Variants in NR6A1 observed in about 807,000 individuals in gnomAD.
The protein encoded by NR6A1 is retinoic acid receptor-related testis-associated receptor.
Under a neutral mutation model 59.1 loss-of-function variants are expected in NR6A1, and 7 were observed. The ratio of observed to expected loss-of-function variants is 0.12; its 90% confidence interval spans 0.07 to 0.22. The LOEUF is 0.22. Ranked by LOEUF, NR6A1 falls within the 10% of genes least tolerant of loss-of-function variation. The pLI, the probability that NR6A1 is intolerant of heterozygous loss-of-function variation, is 1.00. For synonymous variants in NR6A1, 243 were observed against 236.1 expected (o/e 1.03, Z -0.27); for missense variants, 468 against 611.6 (o/e 0.77, Z 2.48).
intron 2 of NR6A1, among the ~76,000 whole-genome samples, chr9:124,582,975 C>A (rs1167884760): frequency 6.6e-6 from 1 of 152,122 alleles, no homozygotes; most frequent in Non-Finnish European, 1.5e-5. Flanking sequence ...CCTTCCCCCC[C>A]AAAGCACTCA....
At chr9:124,562,878 A>C (rs1834120865) in intron 2 of NR6A1, among the ~76,000 whole-genome samples, 1 of 152,252 alleles carries the variant, frequency 6.6e-6, no homozygotes, top group Non-Finnish European at 1.5e-5. Flanking sequence ...TGTCTGCTGA[A>C]ATAAATGGAT....
At chr9:124,531,560 G>C (rs1833098685) in intron 7 of NR6A1, among the ~76,000 whole-genome samples, 1 of 152,094 alleles carries the variant, frequency 6.6e-6, no homozygotes, top group Non-Finnish European at 1.5e-5. Flanking sequence ...CCACAGCCTG[G>C]GTTTCTAGCA....
intron 2 of NR6A1, among the ~76,000 whole-genome samples, chr9:124,640,823 A>G (rs1284589923): frequency 1.3e-5 from 2 of 152,140 alleles, no homozygotes; most frequent in Non-Finnish European, 2.9e-5. Context: ...CACACAGAGT[A>G]TTTTAAATAA....
At chr9:124,639,027 C>T (rs1191353930) in intron 2 of NR6A1, among the ~76,000 whole-genome samples, 1 of 152,076 alleles carries the variant, frequency 6.6e-6, no homozygotes. Flanking sequence ...GAAGAGTAGC[C>T]ATAATAGTTA....
chr9:124,536,152 G>C lies in NR6A1; in HGVS notation c.825-20C>G, dbSNP rs114419980. ...GCGTATCTGAGGGGCAGGGACAGGG[G>C]AAAGTCACTTCCATTGGTCAGAGGG... On this transcript the variant is annotated intron_variant, in intron 6 of 9. Coordinates refer to ENST00000487099, the MANE Select transcript of NR6A1 (RefSeq NM_033334.4). 430 of 1,605,528 alleles carry C rather than the reference G, an allele frequency of 2.7e-4. 1 individual carries two copies. In the African/African-American group the frequency reaches 5.3e-3, roughly 20 times the overall value.
chr9:124,752,010 C>T (rs1408453794), intron 1 of NR6A1, among the ~76,000 whole-genome samples: 1 of 152,212 alleles, frequency 6.6e-6, no homozygotes, highest in Non-Finnish European at 1.5e-5. Flanking sequence ...ATGGCTCACG[C>T]CTATAATCCC....
rs1281501843 is a variant in NR6A1, at chr9:124,538,168, A to C, written c.748T>G (p.Ser250Ala). ...PQQARSLDPQ[S>A]YSLIHQLLSA... ...AACAGCTGGTGAATCAGACTGTATG[A>C]CTGGGGATCCAGGCTGCGAGCTTGT... Residue 250 changes from serine to alanine, a missense_variant, in exon 6 of 10, where the codon TCA becomes GCA. Coordinates refer to ENST00000487099, the MANE Select transcript of NR6A1 (RefSeq NM_033334.4). 4 of 1,614,196 alleles carry C rather than the reference A, an allele frequency of 2.5e-6. No individual in the cohort carries two copies. Among genetic ancestry groups the C allele is most frequent in the Non-Finnish European group, 3.4e-6 (4 of 1,180,016 alleles).
chr9:124,679,342 G>T (rs747661581), intron 2 of NR6A1, among the ~76,000 whole-genome samples: 2 of 152,116 alleles, frequency 1.3e-5, no homozygotes, highest in African/African-American at 2.4e-5. Context: ...GATTTGTTAA[G>T]CTGTAAACTG....
intron 1 of NR6A1, among the ~76,000 whole-genome samples, chr9:124,759,093 T>C (rs1338536481): frequency 6.6e-6 from 1 of 152,246 alleles, no homozygotes; most frequent in East Asian, 1.9e-4. Context: ...ACTACTTTGC[T>C]AACATAATCT....
intron 7 of NR6A1, among the ~76,000 whole-genome samples, chr9:124,528,385 T>TA (rs1833002466): frequency 6.6e-6 from 1 of 151,934 alleles, no homozygotes; most frequent in Admixed American, 6.6e-5. Context: ...AATACAACAA[T>TA]AAAAAAAGAC....
intron 8 of NR6A1, among the ~76,000 whole-genome samples, chr9:124,525,645 C>A (rs972584712): frequency 1.3e-5 from 2 of 152,116 alleles, no homozygotes; most frequent in South Asian, 2.1e-4. Flanking sequence ...GCATGAGCCA[C>A]TGTGCCTGGC....
intron 2 of NR6A1, among the ~76,000 whole-genome samples, chr9:124,714,615 A>T (rs1168166577): frequency 6.6e-6 from 1 of 152,230 alleles, no homozygotes; most frequent in African/African-American, 2.4e-5. Context: ...CTCTTTATTC[A>T]CAGATGTACA....
intron 1 of NR6A1, among the ~76,000 whole-genome samples, chr9:124,760,123 C>G (rs1378925833): frequency 6.6e-6 from 1 of 151,030 alleles, no homozygotes; most frequent in African/African-American, 2.4e-5. Context: ...ACCAGCCTGG[C>G]CAACATGGTG....
In NR6A1 at chr9:124,532,758, AT is replaced by A. The variant is rs561624047; in HGVS notation, c.1079+3119del. ...AATAAAACTTTATGTGATGATAAAA[AT>A]GATCTTTATTTGTACTAGTAGCCAC... On this transcript the variant is annotated intron_variant, in intron 7 of 9. Transcript: ENST00000487099. Among the ~76,000 whole-genome samples the A allele has an allele frequency of 6.6e-5, 10 of 152,352 alleles. No homozygotes were observed. The South Asian group carries it at 2.1e-3, about 32-fold the overall frequency.
intron 3 of NR6A1, among the ~76,000 whole-genome samples, chr9:124,550,210 G>C (rs976339915): frequency 1.1e-4 from 16 of 152,068 alleles, no homozygotes; most frequent in Non-Finnish European, 1.9e-4. Flanking sequence ...CTAAAGTTAT[G>C]TCTGTCAGAA....
At position 124,771,273 on chromosome 9, in the gene NR6A1, G is replaced by GCCGCTCCGCGCCCCT. The variant is rs1564276705; in HGVS notation, c.-169_-155dup. On this transcript the variant is annotated 5_prime_UTR_variant, in exon 1 of 10. Coordinates refer to ENST00000487099, the MANE Select transcript of NR6A1 (RefSeq NM_033334.4). Reference sequence around the variant, plus strand: ...TGGGCCCCGAGCCGCCCGGCTCCGCGCCGCTCCGCGCCCCTCCGCGCCGCG... The same window carrying GCCGCTCCGCGCCCCT: ...TGGGCCCCGAGCCGCCCGGCTCCGCGCCGCTCCGCGCCCCTCCGCTCCGCGCCCCTCCGCGCCGCG... The GCCGCTCCGCGCCCCT allele has an allele frequency of 2.5e-6, 1 of 401,048 alleles. No individual in the cohort carries two copies. The allele number at this position is 401,048 out of a possible 1,614,324, so 24.8% of individuals were successfully genotyped here. A position where few individuals can be genotyped will look rare whatever the true frequency, so the allele number is the denominator to read the frequency against.
chr9:124,651,935 C>A (rs952373748), intron 2 of NR6A1, among the ~76,000 whole-genome samples: 1 of 151,996 alleles, frequency 6.6e-6, no homozygotes, highest in Admixed American at 6.6e-5. Flanking sequence ...CAAAGAGGCC[C>A]AAAAGCTTGA....
chr9:124,543,761 G>A (rs780945429), intron 4 of NR6A1, 41 bp downstream of exon 4: 2 of 1,531,324 alleles, frequency 1.3e-6, no homozygotes, highest in Admixed American at 1.9e-5. Flanking sequence ...GGAGCCCTGG[G>A]CTTCCAGGAC....
rs1409896857 is a variant in NR6A1 at position 124,575,763 on chromosome 9, T to C, written c.143-21193A>G. Reference sequence around the variant, plus strand: ...GAGGACTGAGTTATTACATGTAATGTGAACAGAGTTAATACATGTAAAGTA... The same window carrying C: ...GAGGACTGAGTTATTACATGTAATGCGAACAGAGTTAATACATGTAAAGTA... On this transcript the variant is annotated intron_variant, in intron 2 of 9. Coordinates refer to ENST00000487099, the MANE Select transcript of NR6A1 (RefSeq NM_033334.4). 2.0e-5 allele frequency among the ~76,000 whole-genome samples: 3 copies of C among 152,204 alleles called. No homozygotes were observed. In the East Asian group the frequency reaches 5.8e-4, roughly 29 times the overall value.
Sources: gnomAD v4.1 joint callset for allele counts (sites outside exome capture counted in the v4.1 genomes callset) on GRCh38, gnomAD v4.1.1 for gene constraint, MANE v1.5 for transcripts, NCBI Gene and HGNC (gene_info 2026-07-23, HGNC 2026-07-21) for gene names.